The following TRPM3 variants were observed in gnomAD, a reference collection of about 807,000 sequenced individuals.
TRPM3 encodes the protein long transient receptor potential channel 3.
In TRPM3, 77 loss-of-function variants were observed where a neutral mutation model predicts 181.2. The ratio of observed to expected loss-of-function variants is 0.42; its 90% CI spans 0.35 to 0.51. The LOEUF is 0.51. Ranked by LOEUF, TRPM3 falls within the 20% of genes least tolerant of loss-of-function variation. The pLI, the probability that TRPM3 is intolerant of heterozygous loss-of-function variation, is 0.01. For synonymous variants in TRPM3, 745 were observed against 796.4 expected (o/e 0.94, Z 1.09); for missense variants, 1,759 against 2,196.7 (o/e 0.80, Z 3.98).
chr9:71,225,669 T>A (rs930611462), intron 1 of TRPM3, among the ~76,000 whole-genome samples: 2 of 152,108 alleles, frequency 1.3e-5, no homozygotes, highest in Non-Finnish European at 2.9e-5. Context: ...ACTATAACTT[T>A]TCTTTTTTGA....
intron 1 of TRPM3, among the ~76,000 whole-genome samples, chr9:71,052,622 G>A (rs1043756287): frequency 2.0e-5 from 3 of 152,008 alleles, no homozygotes; most frequent in Admixed American, 2.0e-4. Flanking sequence ...ACAATGAAAG[G>A]CATTTTGAGA....
chr9:71,219,261 T>C (rs1565353678), intron 1 of TRPM3, among the ~76,000 whole-genome samples: 1 of 152,296 alleles, frequency 6.6e-6, no homozygotes, highest in South Asian at 2.1e-4. Context: ...TTAAAAACTT[T>C]CTAAAAATTT....
intron 1 of TRPM3, among the ~76,000 whole-genome samples, chr9:71,091,549 A>G (rs1308886852): frequency 1.3e-5 from 2 of 152,106 alleles, no homozygotes; most frequent in Non-Finnish European, 2.9e-5. Flanking sequence ...GAGCCACAAG[A>G]GGGGATCTTG....
intron 9 of TRPM3, among the ~76,000 whole-genome samples, chr9:70,664,596 G>A (rs1292075894): frequency 1.3e-5 from 2 of 151,604 alleles, no homozygotes; most frequent in South Asian, 2.1e-4. Context: ...CATGGACATG[G>A]GGGATTCTCC....
intron 1 of TRPM3, among the ~76,000 whole-genome samples, chr9:71,023,813 A>G (rs1464578495): frequency 6.6e-6 from 1 of 152,184 alleles, no homozygotes; most frequent in Non-Finnish European, 1.5e-5. Context: ...AGTGGCCACT[A>G]GGCCTTAGGG....
chr9:71,142,684 A>G (rs1487507603), intron 1 of TRPM3, among the ~76,000 whole-genome samples: 1 of 152,122 alleles, frequency 6.6e-6, no homozygotes, highest in Non-Finnish European at 1.5e-5. Flanking sequence ...TTTACTTTAT[A>G]CTGACAATTT....
chr9:71,153,062 C>T (rs2075816767), intron 1 of TRPM3, among the ~76,000 whole-genome samples: 1 of 152,038 alleles, frequency 6.6e-6, no homozygotes. Flanking sequence ...CTCCGTAACA[C>T]CCCTGTGAGG....
chr9:71,010,578 C>T (rs2097726043), intron 1 of TRPM3, among the ~76,000 whole-genome samples: 1 of 152,086 alleles, frequency 6.6e-6, no homozygotes, highest in African/African-American at 2.4e-5. Flanking sequence ...GATAGCACCT[C>T]ATCCCAATTA....
intron 1 of TRPM3, among the ~76,000 whole-genome samples, chr9:71,420,699 A>AAGAGAGAAAG (rs1565556722): frequency 9.7e-6 from 1 of 103,596 alleles, no homozygotes. Context: ...GGGAAAGAGA[A>AAGAGAGAAAG]AGAGAGAGAA....
chr9:71,132,489 G>T, intron 1 of TRPM3, among the ~76,000 whole-genome samples: 1 of 152,156 alleles, frequency 6.6e-6, no homozygotes, highest in African/African-American at 2.4e-5. Flanking sequence ...AACTACAAAG[G>T]GACATAAGGA....
intron 1 of TRPM3, among the ~76,000 whole-genome samples, chr9:71,253,742 G>T (rs577679333): frequency 6.6e-6 from 1 of 152,036 alleles, no homozygotes; most frequent in African/African-American, 2.4e-5. Flanking sequence ...TCAAAGAGAC[G>T]TCTACACTCC....
intron 3 of TRPM3, among the ~76,000 whole-genome samples, chr9:70,847,599 T>C (rs940283158): frequency 3.3e-5 from 5 of 152,130 alleles, no homozygotes; most frequent in African/African-American, 1.2e-4. Flanking sequence ...GAATTTAATA[T>C]GGGATCCCAC....
At chr9:70,907,416 A>T (rs2096482843) in intron 1 of TRPM3, among the ~76,000 whole-genome samples, 1 of 152,198 alleles carries the variant, frequency 6.6e-6, no homozygotes, top group Admixed American at 6.5e-5. Context: ...GTAAGTGCTG[A>T]AGTGCTGTGT....
intron 7 of TRPM3, chr9:70,783,726 A>G: frequency 4.0e-6 from 2 of 495,852 alleles, no homozygotes; most frequent in South Asian, 1.7e-4. Flanking sequence ...GCTTCTCTGA[A>G]GTTACCAACC....
At chr9:70,964,990 AT>A (rs1297743220) in intron 1 of TRPM3, among the ~76,000 whole-genome samples, 1 of 151,978 alleles carries the variant, frequency 6.6e-6, no homozygotes, top group Non-Finnish European at 1.5e-5. Flanking sequence ...ACAGAATCTC[AT>A]TGTTATCTAC....
At chr9:70,781,122 G>C (rs1331996389) in intron 7 of TRPM3, among the ~76,000 whole-genome samples, 1 of 151,882 alleles carries the variant, frequency 6.6e-6, no homozygotes, top group Admixed American at 6.6e-5. Flanking sequence ...TTAGGAGATC[G>C]AGACCATCCT....
intron 24 of TRPM3, among the ~76,000 whole-genome samples, chr9:70,550,670 C>T (rs7048611): frequency 0.48 from 72,713 of 151,992 alleles, 17,915 homozygotes; most frequent in East Asian, 0.72. Flanking sequence ...CCCATGCCCT[C>T]GAGATGTGAT....
At chr9:71,333,849 C>A (rs1384492241) in intron 1 of TRPM3, among the ~76,000 whole-genome samples, 1 of 151,886 alleles carries the variant, frequency 6.6e-6, no homozygotes, top group African/African-American at 2.4e-5. Context: ...AGTTGGAAAT[C>A]CAGATTCCAG....
chr9:70,635,403 T>C, intron 11 of TRPM3, 142 bp from the exon 12 acceptor site: 2 of 605,826 alleles, frequency 3.3e-6, no homozygotes, highest in East Asian at 2.8e-5. Flanking sequence ...TCAGTGTATC[T>C]GCCTTTTCTT....
Sources: allele counts gnomAD v4.1 joint callset (sites outside exome capture counted in the v4.1 genomes callset), GRCh38; gene constraint gnomAD v4.1.1; transcripts MANE v1.5; gene names NCBI Gene and HGNC (gene_info 2026-07-23, HGNC 2026-07-21).